ZNF131: variants seen among roughly 807,000 people sequenced by gnomAD.
ZNF131 encodes zinc finger protein 131.
In ZNF131, 7 loss-of-function variants were observed where a neutral mutation model predicts 60.0. The observed-to-expected ratio is 0.12, with a 90% CI of 0.07 to 0.22. The LOEUF is 0.22. Among genes scored for constraint, ZNF131 ranks in the 10% least tolerant of loss-of-function variants. ZNF131 has a pLI of 1.00. For synonymous variants in ZNF131, 257 were observed against 253.2 expected (o/e 1.01, Z -0.14); for missense variants, 493 against 740.9 (o/e 0.67, Z 3.88).
intron 3 of ZNF131, among the ~76,000 whole-genome samples, chr5:43,131,162 G>A (rs1280552979): frequency 6.6e-6 from 1 of 151,644 alleles, no homozygotes; most frequent in Non-Finnish European, 1.5e-5. Flanking sequence ...ACAGCGCCCG[G>A]CCTCCAAGCT....
chr5:43,131,450 G>C (rs1745344703), intron 3 of ZNF131, among the ~76,000 whole-genome samples: 1 of 152,182 alleles, frequency 6.6e-6, no homozygotes, highest in African/African-American at 2.4e-5. Context: ...TGGGATTATA[G>C]ACGTGAGCCA....
Position 43,153,900 on chromosome 5 carries a change from C to T in ZNF131, c.372-7349C>T, listed in dbSNP as rs546127455. Reference sequence around the variant, plus strand: ...AGCTGTCGCCATACTCAACAAGCTACTCAGTATCTATGGATGGTAGCATGA... The same window carrying T: ...AGCTGTCGCCATACTCAACAAGCTATTCAGTATCTATGGATGGTAGCATGA... On this transcript the variant is annotated intron_variant, in intron 4 of 6. Transcript: ENST00000682664. Among the ~76,000 whole-genome samples the T allele has an allele frequency of 2.8e-3, 420 of 152,320 alleles. 1 individual carries two copies. Among genetic ancestry groups the T allele is most frequent in the African/African-American group, 9.9e-3 (410 of 41,568 alleles).
At chr5:43,164,185 C>T (rs768357990) in intron 5 of ZNF131, among the ~76,000 whole-genome samples, 7 of 152,160 alleles carry the variant, frequency 4.6e-5, no homozygotes, top group Non-Finnish European at 7.3e-5. Flanking sequence ...TTTCATTCAA[C>T]TAAATATGGA....
At chr5:43,138,900 A>AAT (rs1215258059) in intron 3 of ZNF131, among the ~76,000 whole-genome samples, 7 of 152,190 alleles carry the variant, frequency 4.6e-5, no homozygotes. Context: ...TCTGACATGT[A>AAT]ATAGCCAATT....
chr5:43,174,478 A>G lies in ZNF131; in HGVS notation c.1217A>G (p.Gln406Arg), dbSNP rs770036560. The G allele has an allele frequency of 1.3e-6, 2 of 1,539,902 alleles. No individual in the cohort carries two copies. Among genetic ancestry groups the G allele is most frequent in the South Asian group, 2.6e-5 (2 of 77,778 alleles). Residue 406 changes from glutamine to arginine, a missense_variant, in exon 7 of 7, where the codon CAG becomes CGG. Around this residue, in one of 7 missense-constraint regions of ZNF131, gnomAD observed 33 missense variants for 67.9 expected, o/e 0.49. Coordinates refer to ENST00000682664, the MANE Select transcript of ZNF131 (RefSeq NM_001330707.2). Reference protein sequence around the residue: ...VCNSVFNSWDQFKDHLVIHTG... With the variant: ...VCNSVFNSWDRFKDHLVIHTG... ...AACAGTGTGTTTAACAGCTGGGACC[A>G]GTTCAAAGATCACTTGGTAATACAC...
chr5:43,125,321 A>C (rs1035968007), intron 3 of ZNF131, among the ~76,000 whole-genome samples: 1 of 150,360 alleles, frequency 6.7e-6, no homozygotes, highest in African/African-American at 2.4e-5. Context: ...TTTTTTGGAG[A>C]TAGATTTTAG....
intron 4 of ZNF131, among the ~76,000 whole-genome samples, chr5:43,150,387 T>C (rs755190342): frequency 1.4e-4 from 22 of 152,182 alleles, no homozygotes; most frequent in Non-Finnish European, 2.9e-5. Flanking sequence ...TGAGTATCCA[T>C]GGAGAGTTGT....
intron 5 of ZNF131, among the ~76,000 whole-genome samples, chr5:43,166,615 C>G (rs1750390220): frequency 6.6e-6 from 1 of 151,758 alleles, no homozygotes; most frequent in South Asian, 2.1e-4. Flanking sequence ...CCCCCTCGGC[C>G]TCCCAAAGTG....
At chr5:43,160,420 A>C (rs1749538029) in intron 4 of ZNF131, among the ~76,000 whole-genome samples, 1 of 151,634 alleles carries the variant, frequency 6.6e-6, no homozygotes, top group Non-Finnish European at 1.5e-5. Context: ...GGATCACTTG[A>C]GCCCAAGAGG....
intron 4 of ZNF131, among the ~76,000 whole-genome samples, chr5:43,155,082 C>T (rs780468164): frequency 6.6e-5 from 10 of 152,176 alleles, no homozygotes; most frequent in East Asian, 1.9e-4. Context: ...CAGTGAACAC[C>T]GTCAAATTTC....
intron 3 of ZNF131, among the ~76,000 whole-genome samples, chr5:43,137,993 A>G (rs1048373011): frequency 4.6e-5 from 7 of 152,218 alleles, no homozygotes; most frequent in African/African-American, 1.2e-4. Context: ...GCATATTTCT[A>G]TTTATATGAG....
At chr5:43,128,253 T>C (rs530830331) in intron 3 of ZNF131, among the ~76,000 whole-genome samples, 1 of 152,350 alleles carries the variant, frequency 6.6e-6, no homozygotes, top group South Asian at 2.1e-4. Context: ...AATTATTACA[T>C]ATCCACCATC....
At chr5:43,146,626 G>A (rs968801596) in intron 4 of ZNF131, among the ~76,000 whole-genome samples, 1 of 151,902 alleles carries the variant, frequency 6.6e-6, no homozygotes, top group Non-Finnish European at 1.5e-5. Context: ...CTGTGTATGA[G>A]TCGGGCGCAG....
chr5:43,144,994 C>T (rs1274251043), intron 4 of ZNF131, among the ~76,000 whole-genome samples: 3 of 151,908 alleles, frequency 2.0e-5, no homozygotes, highest in African/African-American at 7.3e-5. Context: ...TTATGTTTTA[C>T]ATTTTCCATT....
In ZNF131 at chr5:43,175,083, G is replaced by C; in HGVS notation, c.1822G>C (p.Ala608Pro). Residue 608 changes from alanine (A) to proline (P), a missense_variant, in exon 7 of 7, where the codon GCA (alanine) becomes CCA (proline). By Grantham distance (27) the Ala-to-Pro change is conservative. Around this residue, in one of 7 missense-constraint regions of ZNF131, gnomAD observed 202 missense variants for 221.3 expected, o/e 0.91. Coordinates refer to ENST00000682664, the MANE Select transcript of ZNF131 (RefSeq NM_001330707.2). ...LETKPTVDSE[A>P]EKAENEDRTA... is the part of the protein sequence containing the mutation. ...GACCAAGCCAACAGTGGATTCTGAA[G>C]CAGAAAAGGCAGAGAATGAGGACAG... 6.2e-7 allele frequency: 1 copy of C among 1,614,164 alleles called. No homozygotes were observed. The highest frequency in any genetic ancestry group is 8.5e-7 in the Non-Finnish European group (1 of 1,180,018).
chr5:43,128,451 C>T (rs1744840147), intron 3 of ZNF131, among the ~76,000 whole-genome samples: 1 of 151,778 alleles, frequency 6.6e-6, no homozygotes, highest in African/African-American at 2.4e-5. Context: ...GTCAGGAGAT[C>T]GAGATCATCC....
At position 43,175,585 on chromosome 5, in the gene ZNF131, G is replaced by C; in HGVS notation, c.*452G>C. 3 of 625,958 alleles carry C rather than the reference G, an allele frequency of 4.8e-6. No individual in the cohort carries two copies. The highest frequency in any genetic ancestry group is 8.5e-6 in the Non-Finnish European group (3 of 353,984). The allele number at this position is 625,958 out of a possible 1,614,324, so 38.8% of individuals were successfully genotyped here. On this transcript the variant is annotated 3_prime_UTR_variant, in exon 7 of 7. Transcript: ENST00000682664. The stretch of plus-strand genomic sequence containing the variant: ...GAAACACAAGGCTGCATGATGAAAA[G>C]TGCATTGTTACTGTGCAGTTAAATT...
In ZNF131 at chr5:43,175,094, A is replaced by G. The variant is rs1370574887; in HGVS notation, c.1833A>G (p.Ala611=). 4.3e-6 allele frequency: 7 copies of G among 1,614,066 alleles called. No homozygotes were observed. The East Asian group carries it at 8.9e-5, about 21-fold the overall frequency. ...CAGTGGATTCTGAAGCAGAAAAGGC[A>G]GAGAATGAGGACAGAACAGCTCTGC... The part of the protein sequence containing the change: ...KPTVDSEAEK[A]ENEDRTALPV... The change falls in exon 7 of 7, where the codon GCA becomes GCG. Residue 611 remains alanine (A), a synonymous_variant. Coordinates refer to ENST00000682664, the MANE Select transcript of ZNF131 (RefSeq NM_001330707.2).
chr5:43,128,169 C>T (rs971262824), intron 3 of ZNF131, among the ~76,000 whole-genome samples: 12 of 152,188 alleles, frequency 7.9e-5, no homozygotes, highest in Admixed American at 3.9e-4. Flanking sequence ...TTGTATTCTG[C>T]GCACTTCTGT....
Sources: gnomAD v4.1 joint callset for allele counts (sites outside exome capture counted in the v4.1 genomes callset) on GRCh38, gnomAD v4.1.1 for gene constraint, gnomAD v4.1.1 regional missense constraint, MANE v1.5 for transcripts, NCBI Gene and HGNC (gene_info 2026-07-23, HGNC 2026-07-21) for gene names.